PRMT7: variants seen among roughly 807,000 people sequenced by gnomAD.
PRMT7 encodes the protein protein arginine N-methyltransferase 7.
A neutral mutation model predicts 85.4 loss-of-function variants in PRMT7; 75 were observed. The observed-to-expected ratio is 0.88, with a 90% CI of 0.73 to 1.06. The LOEUF (loss-of-function observed/expected upper bound fraction) is 1.06. PRMT7 is among the 50% of genes least tolerant of loss of function. PRMT7 has a pLI of 0.00. For missense variants in PRMT7, 868 were observed against 915.2 expected (o/e 0.95, Z 0.67); for synonymous variants, 397 against 359.5 (o/e 1.10, Z -1.18).
At chr16:68,311,266 TCTAGG>T (rs2151259890) in intron 1 of PRMT7, 167 bp downstream of exon 1, 1 of 424,768 alleles carries the variant, frequency 2.4e-6, no homozygotes, top group East Asian at 5.4e-5. Flanking sequence ...AGAGCGGGGT[TCTAGG>T]CTGGCCCCGG....
At position 68,338,915 on chromosome 16, in the gene PRMT7, G is replaced by A. The variant is rs3785118; in HGVS notation, c.505-407G>A. ...TGAGTGTGCAGCAGTGCCCAGCGGC[G>A]CTAGAGGGCTGGGCAGCTGAGGGGG... On this transcript the variant is annotated intron_variant, in intron 7 of 18. Transcript: ENST00000441236. Among the ~76,000 whole-genome samples, 181 of 152,282 alleles carry A rather than the reference G, an allele frequency of 1.2e-3. 2 individuals are homozygous for A. In the East Asian group the frequency reaches 0.029, roughly 24 times the overall value.
intron 16 of PRMT7, chr16:68,354,225 A>G (rs1199091345): frequency 1.3e-5 from 2 of 152,242 alleles, no homozygotes; most frequent in Non-Finnish European, 2.9e-5. Context: ...AAAAAATAAC[A>G]AAAAATTAGC....
At position 68,337,445 on chromosome 16, in the gene PRMT7, C is replaced by G. The variant is rs1715600667; in HGVS notation, c.392-14C>G. ...TGTTGCTTATGTCCAACTCTGTTTT[C>G]TTGTGTTTTTCAGAGGGTGACATGC... On this transcript the variant is annotated splice_polypyrimidine_tract_variant and intron_variant, in intron 6 of 18. Coordinates refer to ENST00000441236, the MANE Select transcript of PRMT7 (RefSeq NM_019023.5). 6.3e-7 allele frequency: 1 copy of G among 1,584,510 alleles called. No individual in the cohort carries two copies. Among genetic ancestry groups the G allele is most frequent in the Non-Finnish European group, 8.6e-7 (1 of 1,159,052 alleles).
At chr16:68,319,825 C>G (rs2082291386) in intron 3 of PRMT7, among the ~76,000 whole-genome samples, 1 of 151,658 alleles carries the variant, frequency 6.6e-6, no homozygotes, top group East Asian at 1.9e-4. Context: ...AATGTGAGCT[C>G]CTTAGCTGTC....
chr16:68,329,519 T>A (rs2083560380), intron 6 of PRMT7: 1 of 172,682 alleles, frequency 5.8e-6, no homozygotes, highest in African/African-American at 2.4e-5. Context: ...ATACTGCCAC[T>A]GCTCAAAGCT....
chr16:68,347,674 GA>G lies in PRMT7; in HGVS notation c.1323del (p.Ile442SerfsTer14). On this transcript the variant is annotated frameshift_variant, in exon 13 of 19. Transcript: ENST00000441236. LOFTEE classifies it high-confidence loss of function. ...ESSAASHKLL[R>X]KIFKANHLED... Reference sequence around the variant, plus strand: ...TCAGCAGCTTCTCACAAACTGTTGAGAAAAGTAAGTGAGAATTGTTGTTGCT... The same window carrying G: ...TCAGCAGCTTCTCACAAACTGTTGAGAAAGTAAGTGAGAATTGTTGTTGCT... The G allele has an allele frequency of 6.2e-7, 1 of 1,613,864 alleles. No homozygotes were observed. Among genetic ancestry groups the G allele is most frequent in the South Asian group, 1.1e-5 (1 of 91,070 alleles).
chr16:68,348,323 T>C lies in PRMT7; in HGVS notation c.1324-19T>C, dbSNP rs763709191. On this transcript the variant is annotated intron_variant, in intron 13 of 18. Coordinates refer to ENST00000441236, the MANE Select transcript of PRMT7 (RefSeq NM_019023.5). Reference sequence around the variant, plus strand: ...ATACTTTAGTATGAATACAGTAATTTTACGGTTTTCTTTCTAAGATCTTCA... The same window carrying C: ...ATACTTTAGTATGAATACAGTAATTCTACGGTTTTCTTTCTAAGATCTTCA... 1 of 1,552,716 alleles carries C rather than the reference T, an allele frequency of 6.4e-7. No individual in the cohort carries two copies. The highest frequency in any genetic ancestry group is 8.9e-7 in the Non-Finnish European group (1 of 1,125,968).
At chr16:68,340,011 T>A in intron 9 of PRMT7, 43 bp downstream of exon 9, 1 of 1,535,424 alleles carries the variant, frequency 6.5e-7, no homozygotes, top group Non-Finnish European at 8.8e-7. Flanking sequence ...AGGAAACTTG[T>A]CCACTGCTGT....
Position 68,339,755 on chromosome 16 carries a change from ACT to A in PRMT7, c.747-30_747-29del, listed in dbSNP as rs759015165. 4.0e-5 allele frequency: 64 copies of A among 1,603,400 alleles called. No individual in the cohort carries two copies. The South Asian group carries it at 6.8e-4, about 17-fold the overall frequency. ...TAAAAAATGGAGTGTGTGAGGTTAA[ACT>A]CTGCTTACATTCTTGAATATTATTC... On this transcript the variant is annotated intron_variant, in intron 8 of 18. Transcript: ENST00000441236.
In PRMT7 at chr16:68,353,554, C is replaced by T. The variant is rs61746794; in HGVS notation, c.1638C>T (p.Asp546=). 190,141 of 1,584,450 alleles carry T rather than the reference C, an allele frequency of 0.12. 12,135 individuals carry two copies. Among genetic ancestry groups the T allele is most frequent in the African/African-American group, 0.16 (12,044 of 73,342 alleles). The stretch of plus-strand genomic sequence containing the variant: ...AAGGCTTCGACGTGCACATCATGGA[C>T]GACATGATTAAGGTAGGCAGGGCCA... ...DCEGFDVHIM[D]DMIKRALDFR... Residue 546 remains aspartate (D), a synonymous_variant, in exon 16 of 19, where the codon GAC becomes GAT. Transcript: ENST00000441236.
chr16:68,355,945 C>T, intron 17 of PRMT7, 62 bp downstream of exon 17: 2 of 1,443,508 alleles, frequency 1.4e-6, no homozygotes, highest in Non-Finnish European at 1.8e-6. Flanking sequence ...AGTTCTCACC[C>T]CCGTGGTGAG....
chr16:68,313,786 T>C (rs113069661), intron 2 of PRMT7, among the ~76,000 whole-genome samples: 2,514 of 152,318 alleles, frequency 0.017, 45 homozygotes, highest in South Asian at 0.055. Flanking sequence ...CAAGTAAAAG[T>C]GCAGCTGGGT....
intron 17 of PRMT7, among the ~76,000 whole-genome samples, chr16:68,356,096 G>A (rs564635520): frequency 6.6e-6 from 1 of 152,356 alleles, no homozygotes; most frequent in South Asian, 2.1e-4. Context: ...GCCAGGAAGG[G>A]CTCTGCTCCC....
chr16:68,359,685 G>C (rs1814690187), downstream of PRMT7: 1 of 152,664 alleles, frequency 6.6e-6, no homozygotes, highest in Non-Finnish European at 1.5e-5. Context: ...CCTGGGCCAG[G>C]CTGGGTGTAG....
intron 13 of PRMT7, 84 bp from the exon 14 acceptor site, chr16:68,348,258 G>T (rs1301152249): frequency 2.0e-5 from 23 of 1,146,844 alleles, no homozygotes; most frequent in Non-Finnish European, 2.8e-5. Flanking sequence ...TCAAAGCGGA[G>T]AATGCAACTT....
chr16:68,311,649 C>T (rs1368050549), intron 1 of PRMT7: 1 of 152,212 alleles, frequency 6.6e-6, no homozygotes, highest in Non-Finnish European at 1.5e-5. Flanking sequence ...GAGCGGGGGG[C>T]TTCTGCAAAA....
rs1006682968 is a variant in PRMT7, at chr16:68,357,783, C to T, written c.*559C>T. 6 of 150,052 alleles carry T rather than the reference C, an allele frequency of 4.0e-5. No individual in the cohort carries two copies. The highest frequency in any genetic ancestry group is 1.5e-5 in the Non-Finnish European group (1 of 68,058). 9.3% of individuals were successfully genotyped at this position (150,052 alleles called of 1,614,324 possible). A position where few individuals can be genotyped will look rare whatever the true frequency, so the allele number is the denominator to read the frequency against. On this transcript the variant is annotated 3_prime_UTR_variant, in exon 19 of 19. Transcript: ENST00000441236. ...TTTCACCTGACAGGTAACTTCAAGCCACATCCATAGGTGTCTGGCCTCAGT... is the reference window on the plus strand; with the variant it reads ...TTTCACCTGACAGGTAACTTCAAGCTACATCCATAGGTGTCTGGCCTCAGT...
chr16:68,353,981 A>G (rs1567745353), intron 16 of PRMT7, among the ~76,000 whole-genome samples: 2 of 152,210 alleles, frequency 1.3e-5, no homozygotes, highest in African/African-American at 2.4e-5. Flanking sequence ...CTCCAGAACC[A>G]TGGGCTGTCC....
At chr16:68,335,975 C>G (rs569056926) in intron 6 of PRMT7, among the ~76,000 whole-genome samples, 1 of 152,240 alleles carries the variant, frequency 6.6e-6, no homozygotes, top group South Asian at 2.1e-4. Flanking sequence ...CAGGGTTTCA[C>G]CACGTTGGCC....
Sources: gnomAD v4.1 joint callset for allele counts (sites outside exome capture counted in the v4.1 genomes callset) on GRCh38, gnomAD v4.1.1 for gene constraint, MANE v1.5 for transcripts, NCBI Gene and HGNC (gene_info 2026-07-23, HGNC 2026-07-21) for gene names.